Variants in CARMIL1 observed in about 807,000 individuals in gnomAD.
CARMIL1 encodes F-actin-uncapping protein LRRC16A.
Under a neutral mutation model 177.1 loss-of-function variants are expected in CARMIL1, and 90 were observed. The observed-to-expected ratio is 0.51, with a 90% CI of 0.43 to 0.61. CARMIL1 has a LOEUF of 0.61. CARMIL1 is among the 20% of genes least tolerant of loss of function. CARMIL1 has a pLI of 0.00. For missense variants in CARMIL1, 1,380 were observed against 1,667.0 expected (o/e 0.83, Z 3.00); for synonymous variants, 577 against 606.2 (o/e 0.95, Z 0.71).
chr6:25,515,573 G>A lies in CARMIL1; in HGVS notation c.1633-102G>A. 3.7e-6 allele frequency: 4 copies of A among 1,072,622 alleles called. No individual in the cohort carries two copies. The highest frequency in any genetic ancestry group is 2.6e-5 in the Admixed American group (1 of 38,338). The allele number at this position is 1,072,622 out of a possible 1,614,324, so 66.4% of individuals were successfully genotyped here. ...AGGTAGTAGTTCTAAAATCAGACAC[G>A]TGCAGTAGGTCCATCCCCTCTCATT... On this transcript the variant is annotated intron_variant, in intron 20 of 36. Transcript: ENST00000329474. This position sits in a 1 kb window ranked among gnomAD's most constrained non-coding sequence, Gnocchi z 5.0.
At chr6:25,340,777 GTTTTTTT>G (rs34928775) in intron 2 of CARMIL1, among the ~76,000 whole-genome samples, 44 of 86,158 alleles carry the variant, frequency 5.1e-4, no homozygotes, top group African/African-American at 8.8e-4. Flanking sequence ...GTCAATGAAG[GTTTTTTT>G]TTTTTTTTTT....
chr6:25,588,191 C>T (rs1231498855), intron 31 of CARMIL1, among the ~76,000 whole-genome samples: 1 of 152,142 alleles, frequency 6.6e-6, no homozygotes, highest in African/African-American at 2.4e-5. Flanking sequence ...ATTTTTGTAT[C>T]CTCAAGCGTC....
intron 2 of CARMIL1, among the ~76,000 whole-genome samples, chr6:25,373,280 A>T (rs1250483987): frequency 6.6e-6 from 1 of 151,896 alleles, no homozygotes; most frequent in Non-Finnish European, 1.5e-5. Flanking sequence ...TCATAGAATA[A>T]GTTATAGAGG....
At chr6:25,304,182 CA>C (rs1783082675) in intron 2 of CARMIL1, among the ~76,000 whole-genome samples, 1 of 152,178 alleles carries the variant, frequency 6.6e-6, no homozygotes, top group Admixed American at 6.5e-5. Flanking sequence ...TGAACTGGGA[CA>C]ATTGATAAAA....
chr6:25,584,016 TTTTC>T (rs1300644454), intron 31 of CARMIL1, among the ~76,000 whole-genome samples: 2 of 143,534 alleles, frequency 1.4e-5, no homozygotes, highest in South Asian at 4.7e-4. Flanking sequence ...TTATCTTTTC[TTTTC>T]TTTTTCTTTT....
intron 2 of CARMIL1, among the ~76,000 whole-genome samples, chr6:25,378,039 T>C (rs1245136985): frequency 6.6e-6 from 1 of 152,162 alleles, no homozygotes; most frequent in African/African-American, 2.4e-5. Flanking sequence ...AAGTCTGTGC[T>C]CTAGCTCTCC....
At chr6:25,451,733 T>G (rs1278432720) in intron 8 of CARMIL1, among the ~76,000 whole-genome samples, 1 of 152,164 alleles carries the variant, frequency 6.6e-6, no homozygotes, top group Non-Finnish European at 1.5e-5. Context: ...ATTCTGGATG[T>G]GCTGCTACTT....
chr6:25,481,592 C>T (rs964758923), intron 11 of CARMIL1, among the ~76,000 whole-genome samples: 1 of 152,178 alleles, frequency 6.6e-6, no homozygotes, highest in Non-Finnish European at 1.5e-5. Flanking sequence ...TTACTTATTT[C>T]CTCCCAGAAA....
intron 29 of CARMIL1, among the ~76,000 whole-genome samples, chr6:25,565,487 A>AGT (rs1811475804): frequency 6.6e-6 from 1 of 152,210 alleles, no homozygotes; most frequent in Non-Finnish European, 1.5e-5. Context: ...CCTTCCCTGA[A>AGT]GTGATCATTG....
chr6:25,607,169 AACAAAAAAACAC>A (rs994037908), intron 35 of CARMIL1, among the ~76,000 whole-genome samples: 5 of 149,200 alleles, frequency 3.4e-5, no homozygotes, highest in African/African-American at 7.4e-5. Context: ...CAACCAAACA[AACAAAAAAACAC>A]ACAAAAAAAC....
intron 2 of CARMIL1, among the ~76,000 whole-genome samples, chr6:25,352,201 C>T (rs190515716): frequency 1.1e-3 from 171 of 151,930 alleles, no homozygotes; most frequent in Non-Finnish European, 2.2e-3. Flanking sequence ...ATAAATGACC[C>T]CAGATAACAG....
intron 11 of CARMIL1, chr6:25,479,199 A>G (rs766480956): frequency 1.9e-6 from 1 of 518,996 alleles, no homozygotes; most frequent in East Asian, 5.4e-5. Flanking sequence ...CCTGTCCTCT[A>G]CCACTTGGAA....
intron 1 of CARMIL1, among the ~76,000 whole-genome samples, chr6:25,283,711 T>C (rs1781316138): frequency 6.6e-6 from 1 of 152,124 alleles, no homozygotes; most frequent in Admixed American, 6.5e-5. Flanking sequence ...GGTATAGTTC[T>C]GGCTTATTTT....
chr6:25,522,623 C>G (rs191422197), intron 23 of CARMIL1, among the ~76,000 whole-genome samples: 35 of 152,324 alleles, frequency 2.3e-4, no homozygotes, highest in Non-Finnish European at 4.1e-4. Context: ...CTTTCCTTCT[C>G]TAGGTGTGTG....
chr6:25,610,044 C>T lies in CARMIL1; in HGVS notation c.3848-6C>T. 1 of 1,613,306 alleles carries T rather than the reference C, an allele frequency of 6.2e-7. No individual in the cohort carries two copies. The highest frequency in any genetic ancestry group is 8.5e-7 in the Non-Finnish European group (1 of 1,179,540). The stretch of plus-strand genomic sequence containing the variant: ...CAGTTTGATTCACGTGTTTGTGTCT[C>T]CTTAGATGACATTCCAGACTCTCCA... On this transcript the variant is annotated splice_polypyrimidine_tract_variant and splice_region_variant and intron_variant, in intron 35 of 36. Transcript: ENST00000329474.
intron 29 of CARMIL1, among the ~76,000 whole-genome samples, chr6:25,571,829 C>T (rs1489867614): frequency 1.3e-5 from 2 of 152,142 alleles, no homozygotes; most frequent in South Asian, 2.1e-4. Context: ...GTGAAACAAT[C>T]GGCCTGGATT....
At chr6:25,318,836 T>C (rs1470020033) in intron 2 of CARMIL1, among the ~76,000 whole-genome samples, 1 of 152,100 alleles carries the variant, frequency 6.6e-6, no homozygotes, top group Non-Finnish European at 1.5e-5. Context: ...AAAGCCATTG[T>C]TTGCCCTGGT....
At chr6:25,338,725 A>G (rs1786557875) in intron 2 of CARMIL1, among the ~76,000 whole-genome samples, 1 of 152,186 alleles carries the variant, frequency 6.6e-6, no homozygotes, top group Non-Finnish European at 1.5e-5. Flanking sequence ...CACTTTTCCA[A>G]TAAGTGGGCC....
At chr6:25,336,154 A>G (rs953801507) in intron 2 of CARMIL1, among the ~76,000 whole-genome samples, 1 of 151,796 alleles carries the variant, frequency 6.6e-6, no homozygotes, top group African/African-American at 2.4e-5. Context: ...GATTTTAGGT[A>G]CTGTTTTCTG....
Sources: gnomAD v4.1 joint callset for allele counts (sites outside exome capture counted in the v4.1 genomes callset) on GRCh38, gnomAD v4.1.1 for gene constraint, Gnocchi (gnomAD v3.1) non-coding constraint, MANE v1.5 for transcripts, NCBI Gene and HGNC (gene_info 2026-07-23, HGNC 2026-07-21) for gene names.